SRBD1: variants seen among roughly 807,000 people sequenced by gnomAD.
The protein encoded by SRBD1 is S1 RNA-binding domain-containing protein 1.
In SRBD1, 88 loss-of-function variants were observed where a neutral mutation model predicts 115.3. The observed-to-expected ratio is 0.76, with a 90% confidence interval of 0.64 to 0.91. The LOEUF (loss-of-function observed/expected upper bound fraction) is 0.91. Among genes scored for constraint, SRBD1 ranks in the 40% least tolerant of loss-of-function variants. The pLI is 0.00. For missense variants in SRBD1, 1,385 were observed against 1,177.4 expected (o/e 1.18, Z -2.58); for synonymous variants, 509 against 407.7 (o/e 1.25, Z -2.99).
At chr2:45,525,027 T>C (rs889230835) in intron 14 of SRBD1, among the ~76,000 whole-genome samples, 2 of 152,084 alleles carry the variant, frequency 1.3e-5, no homozygotes, top group East Asian at 1.9e-4. Context: ...TCTAAGATCA[T>C]TCAATGGGTA....
intron 19 of SRBD1, among the ~76,000 whole-genome samples, chr2:45,396,650 A>G (rs1279431684): frequency 6.6e-6 from 1 of 152,234 alleles, no homozygotes. Context: ...TAAAATGGCT[A>G]ATATTTTCAA....
chr2:45,580,625 C>T (rs958082151), intron 6 of SRBD1, among the ~76,000 whole-genome samples: 2 of 142,858 alleles, frequency 1.4e-5, no homozygotes, highest in African/African-American at 2.6e-5. Flanking sequence ...TCCCAAAGTG[C>T]TGGGATTACA....
chr2:45,435,378 C>T (rs1472583602), intron 16 of SRBD1, among the ~76,000 whole-genome samples: 1 of 151,974 alleles, frequency 6.6e-6, no homozygotes, highest in Non-Finnish European at 1.5e-5. Flanking sequence ...AGTAATCTTA[C>T]TGAGCTGGAG....
chr2:45,504,508 A>T (rs539457989), intron 14 of SRBD1, among the ~76,000 whole-genome samples: 96 of 152,312 alleles, frequency 6.3e-4, no homozygotes, highest in African/African-American at 2.2e-3. Context: ...TACGAGAAAC[A>T]GAGGAAATAG....
chr2:45,418,212 C>T (rs745903948), intron 18 of SRBD1, among the ~76,000 whole-genome samples, 153 bp downstream of exon 18: 9 of 152,130 alleles, frequency 5.9e-5, no homozygotes, highest in Non-Finnish European at 1.3e-4. Context: ...GTTGTATTCC[C>T]AATGCCTACC....
chr2:45,413,071 T>G, intron 19 of SRBD1, 43 bp downstream of exon 19: 1 of 1,566,618 alleles, frequency 6.4e-7, no homozygotes, highest in Non-Finnish European at 8.6e-7. Context: ...TGTAAAGAAC[T>G]CACTCTGCAT....
intron 16 of SRBD1, among the ~76,000 whole-genome samples, chr2:45,440,754 G>A (rs77376317): frequency 1.8e-3 from 281 of 152,270 alleles, no homozygotes; most frequent in Middle Eastern, 0.01. Context: ...TTAAAACAGT[G>A]TGTAGAAAAT....
At chr2:45,499,456 C>T (rs1670559107) in intron 14 of SRBD1, among the ~76,000 whole-genome samples, 1 of 152,144 alleles carries the variant, frequency 6.6e-6, no homozygotes, top group Admixed American at 6.5e-5. Flanking sequence ...GTTGCTTCTT[C>T]ACTTTGTTGA....
intron 2 of SRBD1, among the ~76,000 whole-genome samples, chr2:45,603,129 C>T (rs562740070): frequency 1.3e-5 from 2 of 152,310 alleles, no homozygotes; most frequent in East Asian, 3.9e-4. Context: ...GACTTCTTCC[C>T]TCCTTAGTCT....
At chr2:45,574,500 GA>G in intron 8 of SRBD1, 126 bp downstream of exon 8, 1 of 749,228 alleles carries the variant, frequency 1.3e-6, no homozygotes, top group Non-Finnish European at 2.1e-6. Flanking sequence ...TTTGAACAAA[GA>G]GTTTTGCTAC....
intron 16 of SRBD1, among the ~76,000 whole-genome samples, chr2:45,473,727 TTA>T (rs1263823364): frequency 1.3e-5 from 2 of 152,228 alleles, no homozygotes; most frequent in Non-Finnish European, 2.9e-5. Context: ...CTGAATACTT[TTA>T]GTCAGTTCCT....
At position 45,546,715 on chromosome 2, in the gene SRBD1, A is replaced by G. The variant is rs774423009; in HGVS notation, c.1874+17T>C. ...CCCATGCTTCTCCAAGAAAAGAGAT[A>G]TATGTAATAGCCTTACCAGTAAACA... On this transcript the variant is annotated intron_variant, in intron 14 of 20. Coordinates refer to ENST00000263736, the MANE Select transcript of SRBD1 (RefSeq NM_018079.5). The G allele has an allele frequency of 6.2e-7, 1 of 1,609,574 alleles. No homozygotes were observed.
intron 16 of SRBD1, among the ~76,000 whole-genome samples, chr2:45,432,369 G>C (rs1302327757): frequency 6.6e-6 from 1 of 152,116 alleles, no homozygotes; most frequent in Non-Finnish European, 1.5e-5. Context: ...CTATTTGGTG[G>C]AAGGAATACT....
chr2:45,478,951 G>C (rs554030284), intron 15 of SRBD1, among the ~76,000 whole-genome samples: 20 of 152,176 alleles, frequency 1.3e-4, no homozygotes, highest in Admixed American at 1.1e-3. Context: ...AATAGCATGG[G>C]CACACTTCTG....
chr2:45,427,845 T>C (rs193180640), intron 16 of SRBD1, among the ~76,000 whole-genome samples: 5 of 152,188 alleles, frequency 3.3e-5, no homozygotes, highest in Admixed American at 2.6e-4. Flanking sequence ...CCCAGATTCA[T>C]AAAGCAAGTT....
intron 18 of SRBD1, among the ~76,000 whole-genome samples, chr2:45,416,556 G>T (rs867110104): frequency 9.9e-5 from 15 of 152,190 alleles, no homozygotes; most frequent in Non-Finnish European, 2.1e-4. Context: ...AATTTGGAAA[G>T]AGATCCAGAA....
chr2:45,468,883 T>C (rs1669569751), intron 16 of SRBD1, among the ~76,000 whole-genome samples: 1 of 152,226 alleles, frequency 6.6e-6, no homozygotes, highest in African/African-American at 2.4e-5. Flanking sequence ...TTCCACATGC[T>C]TGCTAACATC....
chr2:45,427,775 T>C (rs72616983), intron 16 of SRBD1, among the ~76,000 whole-genome samples: 6,956 of 152,266 alleles, frequency 0.046, 311 homozygotes, highest in East Asian at 0.14. Flanking sequence ...TGAGATCAAG[T>C]TGGCTTCATC....
chr2:45,588,450 T>C (rs768385921), intron 4 of SRBD1, among the ~76,000 whole-genome samples: 1 of 152,202 alleles, frequency 6.6e-6, no homozygotes, highest in Non-Finnish European at 1.5e-5. Context: ...AATCAACTCA[T>C]TTATATTTTC....
Sources: allele counts gnomAD v4.1 joint callset (sites outside exome capture counted in the v4.1 genomes callset), GRCh38; gene constraint gnomAD v4.1.1; transcripts MANE v1.5; gene names NCBI Gene and HGNC (gene_info 2026-07-23, HGNC 2026-07-21).